The following TRABD2A variants were observed in gnomAD, a reference collection of about 807,000 sequenced individuals.
The protein encoded by TRABD2A is TraB domain containing 2A, also known as metalloprotease TIKI1.
A neutral mutation model predicts 45.6 loss-of-function variants in TRABD2A; 43 were observed. The observed-to-expected ratio is 0.94, with a 90% CI of 0.74 to 1.22. TRABD2A has a LOEUF of 1.22. TRABD2A is among the 50% of genes most tolerant of loss of function. The pLI is 0.00. For missense variants in TRABD2A, 642 were observed against 652.4 expected (o/e 0.98, Z 0.17); for synonymous variants, 269 against 265.0 (o/e 1.02, Z -0.15).
rs553808659 is a variant in TRABD2A at position 84,848,428 on chromosome 2, C to G, written c.670-6421G>C. 2.7e-5 allele frequency among the ~76,000 whole-genome samples: 4 copies of G among 150,336 alleles called. No homozygotes were observed. In the East Asian group the frequency reaches 5.8e-4, roughly 22 times the overall value. On this transcript the variant is annotated intron_variant, in intron 2 of 6. Coordinates refer to ENST00000409520, the MANE Select transcript of TRABD2A (RefSeq NM_001277053.2). The stretch of plus-strand genomic sequence containing the variant: ...CAGACAGACAGATAGATAGTCTCCA[C>G]TTTCGTTTTGCTGCTTTGGCCAATA...
chr2:84,865,032 C>G (rs1559096482), intron 2 of TRABD2A, among the ~76,000 whole-genome samples: 1 of 152,202 alleles, frequency 6.6e-6, no homozygotes, highest in African/African-American at 2.4e-5. Context: ...CTCAACCACT[C>G]CACTCTGCCC....
rs550709902 is a variant in TRABD2A at position 84,824,005 on chromosome 2, G to T, written c.1282C>A (p.Arg428=). 1 of 1,613,732 alleles carries T rather than the reference G, an allele frequency of 6.2e-7. No homozygotes were observed. The highest frequency in any genetic ancestry group is 1.7e-5 in the Admixed American group (1 of 60,004). The change falls in exon 6 of 7, where the codon CGG becomes AGG. Residue 428 remains arginine (R), a synonymous_variant. Coordinates refer to ENST00000409520, the MANE Select transcript of TRABD2A (RefSeq NM_001277053.2). ...RFRKKRRRSQ[R]RPRLRQFSDL... is the part of the protein sequence containing the mutation. ...CTGAATTGCCGGAGTCGCGGCCTCC[G>T]CTGTGACCGCCTCCGCTTCTTCCGG... is the stretch of plus-strand genomic sequence containing the variant.
chr2:84,826,232 C>T (rs1056583965), intron 5 of TRABD2A, among the ~76,000 whole-genome samples: 3 of 152,172 alleles, frequency 2.0e-5, no homozygotes, highest in Non-Finnish European at 4.4e-5. Context: ...ACAGTGGATC[C>T]TCACAGTGAG....
chr2:84,860,977 G>A (rs1236377179), intron 2 of TRABD2A, among the ~76,000 whole-genome samples: 1 of 152,230 alleles, frequency 6.6e-6, no homozygotes, highest in African/African-American at 2.4e-5. Flanking sequence ...TCCAGAAAGG[G>A]AGGTGGGAGC....
intron 2 of TRABD2A, 24 bp from the exon 3 acceptor site, chr2:84,842,031 T>C: frequency 6.8e-7 from 1 of 1,463,126 alleles, no homozygotes; most frequent in East Asian, 2.5e-5. Flanking sequence ...CTCTTTTAAG[T>C]TCACTAACAA....
At chr2:84,848,781 C>A (rs1280207182) in intron 2 of TRABD2A, among the ~76,000 whole-genome samples, 4 of 151,934 alleles carry the variant, frequency 2.6e-5, no homozygotes, top group Non-Finnish European at 4.4e-5. Context: ...GCCATATTAG[C>A]CAGGCTGGTC....
At chr2:84,850,686 T>C (rs1434119457) in intron 2 of TRABD2A, 1 of 152,228 alleles carries the variant, frequency 6.6e-6, no homozygotes, top group Non-Finnish European at 1.5e-5. Flanking sequence ...CAGCTCCTGA[T>C]GGCCAAGCAG....
chr2:84,878,461 G>T (rs922715965), intron 1 of TRABD2A, among the ~76,000 whole-genome samples: 1 of 151,328 alleles, frequency 6.6e-6, no homozygotes, highest in Non-Finnish European at 1.5e-5. Context: ...GGAGGCAGAG[G>T]TTGCAGTGAG....
At chr2:84,869,634 C>T (rs72926859) in intron 2 of TRABD2A, among the ~76,000 whole-genome samples, 5,061 of 152,218 alleles carry the variant, frequency 0.033, 264 homozygotes, top group African/African-American at 0.11. Context: ...ATGTCCACAA[C>T]GTCTCAAAGC....
intron 2 of TRABD2A, among the ~76,000 whole-genome samples, chr2:84,855,498 C>T (rs11677038): frequency 0.026 from 3,963 of 152,086 alleles, 84 homozygotes; most frequent in South Asian, 0.061. Flanking sequence ...GCTGAATCCC[C>T]TTCTCCCTCC....
At chr2:84,870,144 A>C in intron 2 of TRABD2A, 81 bp downstream of exon 2, 1 of 1,351,706 alleles carries the variant, frequency 7.4e-7, no homozygotes. Context: ...TGTGCCCGTG[A>C]TCCATCACCT....
chr2:84,841,171 C>T (rs1200863841), intron 3 of TRABD2A, among the ~76,000 whole-genome samples: 1 of 152,194 alleles, frequency 6.6e-6, no homozygotes, highest in East Asian at 1.9e-4. Flanking sequence ...AGAGAGGAGG[C>T]GAAGGCACCA....
intron 5 of TRABD2A, among the ~76,000 whole-genome samples, chr2:84,827,106 C>A (rs1681172257): frequency 6.6e-6 from 1 of 152,168 alleles, no homozygotes; most frequent in African/African-American, 2.4e-5. Context: ...CCATCACAGG[C>A]TCAAGATCTA....
At chr2:84,825,684 G>A (rs1649291) in intron 5 of TRABD2A, among the ~76,000 whole-genome samples, 26,682 of 152,046 alleles carry the variant, frequency 0.18, 2,381 homozygotes, top group African/African-American at 0.22. Context: ...CCTAGGGCAG[G>A]GGTCCCCAGC....
chr2:84,863,658 C>A (rs1372385343), intron 2 of TRABD2A, among the ~76,000 whole-genome samples: 4 of 129,756 alleles, frequency 3.1e-5, no homozygotes, highest in Non-Finnish European at 6.2e-5. Context: ...GATGCCCAGG[C>A]TGGAGTGCAG....
intron 3 of TRABD2A, among the ~76,000 whole-genome samples, chr2:84,840,381 G>A (rs939927160): frequency 2.6e-5 from 4 of 151,954 alleles, no homozygotes; most frequent in Non-Finnish European, 5.9e-5. Flanking sequence ...TCTCTACAGA[G>A]GCAGCGTCAG....
rs1449769112 is a variant in TRABD2A, at chr2:84,870,693, C to T, written c.201G>A (p.Trp67Ter). The change falls in exon 2 of 7, where the codon TGG (tryptophan) becomes TGA (stop). Residue 67 changes from tryptophan (W) to a stop codon, truncating the protein, a stop_gained. Coordinates refer to ENST00000409520, the MANE Select transcript of TRABD2A (RefSeq NM_001277053.2). LOFTEE classifies it high-confidence loss of function. ...GTIHVPYTRV[W>*]DFIPDNSKEA... Reference sequence around the variant, plus strand: ...CCTTAGAGTTGTCGGGGATGAAGTCCCAAACTCGGGTGTACGGGACATGGA... The same window carrying T: ...CCTTAGAGTTGTCGGGGATGAAGTCTCAAACTCGGGTGTACGGGACATGGA... 3 of 1,605,950 alleles carry T rather than the reference C, an allele frequency of 1.9e-6. No individual in the cohort carries two copies. The South Asian group carries it at 3.4e-5, about 18-fold the overall frequency.
At chr2:84,842,317 G>A (rs1371096857) in intron 2 of TRABD2A, among the ~76,000 whole-genome samples, 8 of 152,190 alleles carry the variant, frequency 5.3e-5, no homozygotes, top group Non-Finnish European at 1.2e-4. Flanking sequence ...AGGAATAGAA[G>A]CTAGGAGGTG....
chr2:84,854,203 C>T (rs1205820931), intron 2 of TRABD2A, among the ~76,000 whole-genome samples: 3 of 151,862 alleles, frequency 2.0e-5, no homozygotes, highest in South Asian at 2.1e-4. Context: ...GGAGGGTGTG[C>T]GTAGGTTATA....
Sources: allele counts gnomAD v4.1 joint callset (sites outside exome capture counted in the v4.1 genomes callset), GRCh38; gene constraint gnomAD v4.1.1; transcripts MANE v1.5; gene names NCBI Gene and HGNC (gene_info 2026-07-23, HGNC 2026-07-21).